Variants in AFG2A observed in about 807,000 individuals in gnomAD.
The protein encoded by AFG2A is AAA ATPase AFG2A, also known as ATPase family gene 2 protein homolog A.
chr4:123,178,333 G>C, the AFG2A span, among the ~76,000 whole-genome samples: 2 of 152,086 alleles, frequency 1.3e-5, no homozygotes, highest in African/African-American at 4.8e-5. Context: ...TTTAAGGATA[G>C]TTACTCTTTA....
At chr4:122,972,853 G>A in the AFG2A span, among the ~76,000 whole-genome samples, 2 of 151,860 alleles carry the variant, frequency 1.3e-5, no homozygotes, top group African/African-American at 4.8e-5. Flanking sequence ...GTCAGTTTTG[G>A]TAGATATTCC....
chr4:123,235,666 A>G, the AFG2A span, among the ~76,000 whole-genome samples: 1 of 152,226 alleles, frequency 6.6e-6, no homozygotes, highest in Middle Eastern at 3.2e-3. Context: ...GAGATGTCAA[A>G]TAAATCATTC....
At chr4:123,161,834 A>G in the AFG2A span, among the ~76,000 whole-genome samples, 4 of 152,240 alleles carry the variant, frequency 2.6e-5, no homozygotes, top group Non-Finnish European at 5.9e-5. Flanking sequence ...AGACAAGGAT[A>G]TATATGAGTG....
the AFG2A span, among the ~76,000 whole-genome samples, chr4:122,948,387 T>TAC: frequency 0.17 from 21,839 of 129,332 alleles, 1,825 homozygotes; most frequent in Non-Finnish European, 0.17. Flanking sequence ...CTCCAGAGTA[T>TAC]ACACACACAC....
chr4:123,223,689 G>A, the AFG2A span, among the ~76,000 whole-genome samples: 1 of 152,070 alleles, frequency 6.6e-6, no homozygotes, highest in East Asian at 1.9e-4. Context: ...CTCCCACCAG[G>A]CCCCACCTCC....
chr4:122,944,147 G>T, the AFG2A span, among the ~76,000 whole-genome samples: 14 of 152,116 alleles, frequency 9.2e-5, no homozygotes, highest in Admixed American at 4.6e-4. Flanking sequence ...TATCTTTGTG[G>T]CGTTCTCTGT....
chr4:123,059,631 T>C, the AFG2A span, among the ~76,000 whole-genome samples: 1 of 150,992 alleles, frequency 6.6e-6, no homozygotes, highest in Non-Finnish European at 1.5e-5. Flanking sequence ...CATGTGTCTT[T>C]ATACCAGCAT....
chr4:123,130,586 A>G, the AFG2A span, among the ~76,000 whole-genome samples: 4 of 152,182 alleles, frequency 2.6e-5, no homozygotes, highest in Non-Finnish European at 4.4e-5. Context: ...TTACTGTATC[A>G]GTAGTTTGTT....
chr4:123,112,553 T>G, the AFG2A span, among the ~76,000 whole-genome samples: 1 of 152,228 alleles, frequency 6.6e-6, no homozygotes, highest in Non-Finnish European at 1.5e-5. Flanking sequence ...TGCTTCCTTC[T>G]TTCACATATC....
chr4:123,287,882 G>A, the AFG2A span, among the ~76,000 whole-genome samples: 1 of 152,140 alleles, frequency 6.6e-6, no homozygotes, highest in East Asian at 1.9e-4. Flanking sequence ...AAAGACTTGA[G>A]GCGAGTGAAC....
the AFG2A span, among the ~76,000 whole-genome samples, chr4:123,307,512 CTAAA>C: frequency 1.3e-5 from 2 of 152,090 alleles, no homozygotes; most frequent in Non-Finnish European, 1.5e-5. Flanking sequence ...GTATTCATTC[CTAAA>C]TAGAGAGATA....
chr4:123,005,342 G>A, the AFG2A span, among the ~76,000 whole-genome samples: 1 of 152,008 alleles, frequency 6.6e-6, no homozygotes, highest in South Asian at 2.1e-4. Context: ...GTAGGGAAGG[G>A]TTTTCGCCAT....
At chr4:123,097,713 A>G in the AFG2A span, among the ~76,000 whole-genome samples, 1 of 152,060 alleles carries the variant, frequency 6.6e-6, no homozygotes, top group Admixed American at 6.6e-5. Context: ...GGCTTTGGGG[A>G]TAGAGAATTG....
At chr4:123,003,113 T>C in the AFG2A span, among the ~76,000 whole-genome samples, 1 of 152,248 alleles carries the variant, frequency 6.6e-6, no homozygotes, top group Non-Finnish European at 1.5e-5. Flanking sequence ...CTGAGGCTTC[T>C]GCATTCTTCA....
chr4:123,209,460 T>C, the AFG2A span, among the ~76,000 whole-genome samples: 1 of 152,238 alleles, frequency 6.6e-6, no homozygotes, highest in Non-Finnish European at 1.5e-5. Flanking sequence ...CCATAGCTGC[T>C]CTTGCCTTTA....
At chr4:123,180,993 T>TA in the AFG2A span, among the ~76,000 whole-genome samples, 1 of 149,726 alleles carries the variant, frequency 6.7e-6, no homozygotes, top group Non-Finnish European at 1.5e-5. Context: ...TTTTTTTTTT[T>TA]TTTTTATTTG....
At chr4:123,196,167 A>ATTTTTT in the AFG2A span, among the ~76,000 whole-genome samples, 15,907 of 79,446 alleles carry the variant, frequency 0.2, 3,269 homozygotes, top group Non-Finnish European at 0.29. Flanking sequence ...TGCCCAGCTA[A>ATTTTTT]TTTTTTTTTT....
the AFG2A span, among the ~76,000 whole-genome samples, chr4:123,083,335 G>T: frequency 2.0e-5 from 3 of 151,716 alleles, no homozygotes; most frequent in East Asian, 5.8e-4. Flanking sequence ...GTGTTTTTTT[G>T]TTTGTTTGTT....
At chr4:123,119,038 T>G in the AFG2A span, among the ~76,000 whole-genome samples, 1 of 152,142 alleles carries the variant, frequency 6.6e-6, no homozygotes, top group Non-Finnish European at 1.5e-5. Context: ...TGAGGTACCT[T>G]GAGTATCCCC....
Sources: allele counts gnomAD v4.1 joint callset (sites outside exome capture counted in the v4.1 genomes callset), GRCh38; gene constraint gnomAD v4.1.1; transcripts MANE v1.5; gene names NCBI Gene and HGNC (gene_info 2026-07-23, HGNC 2026-07-21).